PALM2AKAP2: variants seen among roughly 807,000 people sequenced by gnomAD.
PALM2AKAP2 encodes PALM2 and AKAP2 fusion.
Under a neutral mutation model 71.5 loss-of-function variants are expected in PALM2AKAP2, and 37 were observed. That is an observed-to-expected ratio of 0.52 (90% confidence interval 0.40 to 0.68). The LOEUF (loss-of-function observed/expected upper bound fraction) is 0.68, where lower values mean the gene tolerates loss of function less well. PALM2AKAP2 is among the 30% of genes least tolerant of loss of function. The pLI, the probability that PALM2AKAP2 is intolerant of heterozygous loss-of-function variation, is 0.00. For missense variants in PALM2AKAP2, 1,224 were observed against 1,191.8 expected (o/e 1.03, Z -0.40); for synonymous variants, 468 against 478.8 (o/e 0.98, Z 0.29).
chr9:109,858,397 G>A (rs1193945371), intron 1 of PALM2AKAP2, among the ~76,000 whole-genome samples: 8 of 152,174 alleles, frequency 5.3e-5, no homozygotes, highest in Middle Eastern at 3.2e-3. Flanking sequence ...GTGTGAAGTC[G>A]TTGTTCTCCT....
exon 1 of PALM2AKAP2, chr9:110,048,791 C>T (rs1347732778): frequency 6.5e-7 from 1 of 1,533,870 alleles, no homozygotes; most frequent in Non-Finnish European, 8.7e-7. Flanking sequence ...CGGGAGGCAG[C>T]GGCCGCGCGG....
rs567339134 is a variant in PALM2AKAP2, at chr9:109,800,871, C to T, written c.45+20338C>T. 3.9e-4 allele frequency among the ~76,000 whole-genome samples: 60 copies of T among 152,288 alleles called. 1 individual carries two copies. Among genetic ancestry groups the T allele is most frequent in the African/African-American group, 1.3e-3 (56 of 41,574 alleles). On this transcript the variant is annotated intron_variant, in intron 1 of 9. Transcript: ENST00000302798. ...GTGCTTTAATAGAGGATCCTAACTGCCTTGGAGGGAAGAATGACGTCTTAG... is the reference window on the plus strand; with the variant it reads ...GTGCTTTAATAGAGGATCCTAACTGTCTTGGAGGGAAGAATGACGTCTTAG...
intron 6 of PALM2AKAP2, among the ~76,000 whole-genome samples, chr9:109,991,209 A>G (rs1159419469): frequency 3.3e-5 from 5 of 149,374 alleles, no homozygotes; most frequent in East Asian, 3.9e-4. Context: ...AGAGCTTTTT[A>G]TAATAGCCTT....
intron 3 of PALM2AKAP2, among the ~76,000 whole-genome samples, chr9:109,921,383 C>T (rs1564211563): frequency 6.6e-6 from 1 of 152,106 alleles, no homozygotes; most frequent in African/African-American, 2.4e-5. Flanking sequence ...TACCAGCATC[C>T]CTGGCCTCTA....
At chr9:110,025,867 A>G (rs1564266828) in intron 7 of PALM2AKAP2, among the ~76,000 whole-genome samples, 2 of 151,950 alleles carry the variant, frequency 1.3e-5, no homozygotes, top group Admixed American at 6.5e-5. Context: ...CTTTTTTGCC[A>G]TAGTTTGTTC....
chr9:109,817,087 TA>T (rs1448899251), intron 1 of PALM2AKAP2, among the ~76,000 whole-genome samples: 2 of 152,222 alleles, frequency 1.3e-5, no homozygotes, highest in Non-Finnish European at 2.9e-5. Context: ...CTTAGGCACA[TA>T]AAATGATAGG....
intron 1 of PALM2AKAP2, among the ~76,000 whole-genome samples, chr9:110,092,865 A>C (rs764752710): frequency 6.6e-6 from 1 of 152,174 alleles, no homozygotes; most frequent in Admixed American, 6.5e-5. Context: ...AATTCCGTAC[A>C]GTTCCAACAA....
At chr9:109,938,570 T>G (rs1488972800) in intron 6 of PALM2AKAP2, among the ~76,000 whole-genome samples, 1 of 152,196 alleles carries the variant, frequency 6.6e-6, no homozygotes, top group Non-Finnish European at 1.5e-5. Flanking sequence ...ATTGGAAGAA[T>G]AGTGTACAAC....
At chr9:109,870,394 T>G (rs1253987383) in intron 2 of PALM2AKAP2, among the ~76,000 whole-genome samples, 1 of 152,182 alleles carries the variant, frequency 6.6e-6, no homozygotes, top group African/African-American at 2.4e-5. Context: ...TGGAAGTACA[T>G]TCGTGGAGGT....
intron 1 of PALM2AKAP2, among the ~76,000 whole-genome samples, chr9:109,843,745 G>A (rs545476119): frequency 6.6e-6 from 1 of 152,146 alleles, no homozygotes; most frequent in Non-Finnish European, 1.5e-5. Context: ...CTGGAACAAG[G>A]TGCATCTCAA....
At chr9:109,869,598 A>G (rs1829549577) in intron 2 of PALM2AKAP2, among the ~76,000 whole-genome samples, 1 of 151,208 alleles carries the variant, frequency 6.6e-6, no homozygotes. Context: ...TTGGCCTCCC[A>G]AAGTGCTGGG....
At chr9:110,044,692 C>T (rs1275456591), upstream of PALM2AKAP2, among the ~76,000 whole-genome samples, 2 of 151,198 alleles carry the variant, frequency 1.3e-5, no homozygotes, top group Admixed American at 6.6e-5. Flanking sequence ...AATTTTCAGC[C>T]AACTTTTATT....
In PALM2AKAP2 at chr9:110,138,480, G is replaced by A. The variant is rs202061551; in HGVS notation, c.2510G>A (p.Ser837Asn). 2.0e-5 allele frequency: 32 copies of A among 1,614,022 alleles called. No homozygotes were observed. The East Asian group carries it at 6.2e-4, about 31-fold the overall frequency. The stretch of plus-strand genomic sequence containing the variant: ...AGACAAGTCTTGCAGAGTACGCAGA[G>A]CCCCAGGACAAAGAATGCCCCATCA... The change falls in exon 2 of 4, where the codon AGC (serine) becomes AAC (asparagine). Residue 837 changes from serine (S) to asparagine (N), a missense_variant. Coordinates refer to ENST00000374525, the Ensembl canonical transcript of PALM2AKAP2.
At chr9:109,853,220 C>A (rs745639759) in intron 1 of PALM2AKAP2, among the ~76,000 whole-genome samples, 1 of 152,158 alleles carries the variant, frequency 6.6e-6, no homozygotes, top group Non-Finnish European at 1.5e-5. Context: ...GCACTCAGAA[C>A]TGCGCGTGGC....
intron 1 of PALM2AKAP2, among the ~76,000 whole-genome samples, chr9:110,102,902 C>T (rs1835033874): frequency 6.6e-6 from 1 of 152,224 alleles, no homozygotes; most frequent in African/African-American, 2.4e-5. Context: ...CTCTTTCTGC[C>T]TCTGCAGGAC....
At chr9:109,677,347 C>T (rs974614639) in intron 1 of PALM2AKAP2, among the ~76,000 whole-genome samples, 25 of 152,172 alleles carry the variant, frequency 1.6e-4, no homozygotes, top group African/African-American at 5.1e-4. Flanking sequence ...AGGGCTTTAA[C>T]GTAAAGTTTG....
At chr9:109,991,264 T>G (rs1832476656) in intron 6 of PALM2AKAP2, among the ~76,000 whole-genome samples, 1 of 149,652 alleles carries the variant, frequency 6.7e-6, no homozygotes, top group East Asian at 2.0e-4. Context: ...TAAGACAGAG[T>G]CTCCCTCTGT....
At chr9:110,121,841 G>T (rs755421338) in intron 1 of PALM2AKAP2, among the ~76,000 whole-genome samples, 2 of 152,128 alleles carry the variant, frequency 1.3e-5, no homozygotes, top group Non-Finnish European at 2.9e-5. Context: ...CCTCTCACAG[G>T]CTTTCTTGAG....
At chr9:109,727,700 C>A (rs2118650551) in intron 1 of PALM2AKAP2, among the ~76,000 whole-genome samples, 1 of 152,328 alleles carries the variant, frequency 6.6e-6, no homozygotes, top group African/African-American at 2.4e-5. Context: ...CTCTTTCTCT[C>A]AAATCACTCA....
Sources: allele counts gnomAD v4.1 joint callset (sites outside exome capture counted in the v4.1 genomes callset), GRCh38; gene constraint gnomAD v4.1.1; transcripts MANE v1.5; gene names NCBI Gene and HGNC (gene_info 2026-07-23, HGNC 2026-07-21).